Variants in NAALADL2 observed in about 807,000 individuals in gnomAD.
The protein encoded by NAALADL2 is inactive N-acetylated-alpha-linked acidic dipeptidase-like protein 2.
Under a neutral mutation model 87.2 loss-of-function variants are expected in NAALADL2, and 76 were observed. The ratio of observed to expected loss-of-function variants is 0.87; its 90% CI spans 0.72 to 1.05. NAALADL2 has a LOEUF of 1.05. NAALADL2 is among the 50% of genes least tolerant of loss of function. NAALADL2 has a pLI of 0.00. For missense variants in NAALADL2, 1,089 were observed against 945.8 expected (o/e 1.15, Z -1.99); for synonymous variants, 354 against 331.0 (o/e 1.07, Z -0.75).
chr3:175,013,301 A>ATATATATATATATATATT (rs1553916905), intron 1 of NAALADL2, among the ~76,000 whole-genome samples: 1 of 72,066 alleles, frequency 1.4e-5, no homozygotes, highest in African/African-American at 5.8e-5. Context: ...ATATATATAT[A>ATATATATATATATATATT]TTTTTTTTTT....
At chr3:175,529,678 G>A (rs1733851998) in intron 9 of NAALADL2, among the ~76,000 whole-genome samples, 1 of 152,148 alleles carries the variant, frequency 6.6e-6, no homozygotes, top group African/African-American at 2.4e-5. Context: ...TAACAGCAGT[G>A]AATTTCATGA....
chr3:175,624,968 G>C (rs1403279263), intron 10 of NAALADL2, among the ~76,000 whole-genome samples: 1 of 151,998 alleles, frequency 6.6e-6, no homozygotes, highest in Non-Finnish European at 1.5e-5. Context: ...ACTATTTTGT[G>C]ACATTGTAGA....
At chr3:175,074,272 A>T (rs1172411224) in intron 1 of NAALADL2, among the ~76,000 whole-genome samples, 1 of 152,108 alleles carries the variant, frequency 6.6e-6, no homozygotes, top group African/African-American at 2.4e-5. Context: ...AGGTATAGCA[A>T]TCTAACGTAA....
In NAALADL2 at chr3:174,962,487, A is replaced by G. The variant is rs184851909; in HGVS notation, c.43+103037A>G. On this transcript the variant is annotated intron_variant, in intron 1 of 13. Transcript: ENST00000454872. ...AACTGTGAAAAGTTTGCTCTTGTGT[A>G]TAATTTCAAATTAGTGAAGTTTCAC... Among the ~76,000 whole-genome samples the G allele has an allele frequency of 4.9e-5, 7 of 143,738 alleles. No individual in the cohort carries two copies. In the East Asian group the frequency reaches 1.2e-3, roughly 25 times the overall value. The allele number at this position is 143,738 out of a possible 152,430, so 94.3% of individuals were successfully genotyped here.
At chr3:174,831,647 C>T (rs889913959) in intron 3 of NAALADL2, among the ~76,000 whole-genome samples, 6 of 151,128 alleles carry the variant, frequency 4.0e-5, no homozygotes, top group Admixed American at 1.3e-4. Flanking sequence ...AGGATTCCCT[C>T]GTTTTCTATT....
chr3:174,668,746 T>G (rs996694248), intron 2 of NAALADL2, among the ~76,000 whole-genome samples: 1 of 152,204 alleles, frequency 6.6e-6, no homozygotes, highest in African/African-American at 2.4e-5. Context: ...ACAAAGGACA[T>G]GAACTCATCA....
At chr3:174,662,930 T>C (rs2108782286) in intron 2 of NAALADL2, among the ~76,000 whole-genome samples, 1 of 152,298 alleles carries the variant, frequency 6.6e-6, no homozygotes, top group Non-Finnish European at 1.5e-5. Context: ...ATCTTACGTA[T>C]TTTACATAGA....
chr3:175,717,525 A>G (rs548152117), intron 11 of NAALADL2, among the ~76,000 whole-genome samples: 1 of 151,802 alleles, frequency 6.6e-6, no homozygotes, highest in Non-Finnish European at 1.5e-5. Context: ...AACCCTGTCT[A>G]TACAAAAATC....
intron 2 of NAALADL2, among the ~76,000 whole-genome samples, chr3:174,661,103 C>G (rs1220631307): frequency 1.3e-5 from 2 of 152,104 alleles, no homozygotes; most frequent in Non-Finnish European, 2.9e-5. Context: ...TCATTAAGGT[C>G]TTTGGCAACT....
chr3:174,487,515 A>C (rs1252594076), intron 1 of NAALADL2, among the ~76,000 whole-genome samples: 2 of 152,020 alleles, frequency 1.3e-5, no homozygotes, highest in African/African-American at 4.8e-5. Flanking sequence ...TGAAGTATAC[A>C]AGAAAAATTA....
intron 4 of NAALADL2, among the ~76,000 whole-genome samples, chr3:175,288,298 A>C (rs745822611): frequency 2.0e-5 from 3 of 152,102 alleles, no homozygotes; most frequent in Non-Finnish European, 2.9e-5. Flanking sequence ...CCTTCAATTG[A>C]TTGGAAAAGG....
intron 2 of NAALADL2, among the ~76,000 whole-genome samples, chr3:174,563,922 G>C (rs1713925472): frequency 6.6e-6 from 1 of 152,102 alleles, no homozygotes; most frequent in South Asian, 2.1e-4. Context: ...GCAAAGTACT[G>C]CTTTAAACCT....
intron 3 of NAALADL2, among the ~76,000 whole-genome samples, chr3:174,742,913 A>G (rs1031628063): frequency 2.0e-5 from 3 of 151,722 alleles, no homozygotes; most frequent in Non-Finnish European, 4.4e-5. Flanking sequence ...GTCTCATCAT[A>G]CAATAGGATA....
chr3:174,756,031 G>A (rs767105491), intron 3 of NAALADL2, among the ~76,000 whole-genome samples: 9 of 152,202 alleles, frequency 5.9e-5, no homozygotes, highest in Non-Finnish European at 8.8e-5. Context: ...CGGTCTGGGA[G>A]GGAAGAAACA....
At chr3:175,312,678 A>T (rs1413489102) in intron 4 of NAALADL2, among the ~76,000 whole-genome samples, 2 of 152,164 alleles carry the variant, frequency 1.3e-5, no homozygotes, top group Non-Finnish European at 2.9e-5. Flanking sequence ...TGCCATTACC[A>T]CTTACTAGCT....
At chr3:175,681,726 G>A (rs1418659351) in intron 11 of NAALADL2, among the ~76,000 whole-genome samples, 3 of 152,126 alleles carry the variant, frequency 2.0e-5, no homozygotes, top group Non-Finnish European at 4.4e-5. Context: ...ACAGGCAATG[G>A]CAATGAAGAG....
chr3:175,201,606 A>T (rs1409294046), intron 2 of NAALADL2, among the ~76,000 whole-genome samples: 1 of 152,166 alleles, frequency 6.6e-6, no homozygotes, highest in Non-Finnish European at 1.5e-5. Flanking sequence ...GTCGTGTTAC[A>T]CTGTTGCTCC....
chr3:175,000,009 C>A (rs1748018772), intron 1 of NAALADL2, among the ~76,000 whole-genome samples: 1 of 152,050 alleles, frequency 6.6e-6, no homozygotes, highest in African/African-American at 2.4e-5. Flanking sequence ...ACTAAGAAAT[C>A]AGAAGGATCT....
intron 4 of NAALADL2, among the ~76,000 whole-genome samples, chr3:175,257,424 T>C (rs1297977290): frequency 1.3e-4 from 20 of 152,146 alleles, no homozygotes; most frequent in Non-Finnish European, 2.2e-4. Context: ...CAGTGTTTAA[T>C]AGTAGATTAG....
Sources: allele counts gnomAD v4.1 joint callset (sites outside exome capture counted in the v4.1 genomes callset), GRCh38; gene constraint gnomAD v4.1.1; transcripts MANE v1.5; gene names NCBI Gene and HGNC (gene_info 2026-07-23, HGNC 2026-07-21).